Variants in CA5B observed in about 807,000 individuals in gnomAD.
CA5B encodes carbonic anhydrase 5B, mitochondrial.
A neutral mutation model predicts 23.1 loss-of-function variants in CA5B; 15 were observed. The ratio of observed to expected loss-of-function variants is 0.65; its 90% confidence interval spans 0.43 to 1.00. CA5B has a LOEUF of 1.00. Among genes scored for constraint, CA5B ranks in the 50% least tolerant of loss-of-function variants. The probability of loss-of-function intolerance (pLI) is 0.00; values close to 1 mark genes in which losing one functional copy is unlikely to be tolerated. For missense variants in CA5B, 236 were observed against 252.2 expected (o/e 0.94, Z 0.43); for synonymous variants, 84 against 98.5 (o/e 0.85, Z 0.87).
intron 7 of CA5B, among the ~76,000 whole-genome samples, chrX:15,782,143 G>A (rs1299708816): frequency 3.6e-5 from 4 of 111,828 alleles, no homozygotes; most frequent in African/African-American, 6.5e-5. Flanking sequence ...CTCATTTAAA[G>A]AGGAAGTTCT....
At chrX:15,759,242 G>C in intron 2 of CA5B, among the ~76,000 whole-genome samples, 1 of 111,696 alleles carries the variant, frequency 9.0e-6, no homozygotes, top group Non-Finnish European at 1.9e-5. Context: ...TGGGGAAATA[G>C]GTGGTTGCAG....
intron 3 of CA5B, among the ~76,000 whole-genome samples, chrX:15,765,742 T>C (rs1931693824): frequency 9.1e-6 from 1 of 109,927 alleles, no homozygotes; most frequent in Non-Finnish European, 1.9e-5. Flanking sequence ...GATCCTGCAG[T>C]GCGCCGGATA....
intron 2 of CA5B, among the ~76,000 whole-genome samples, chrX:15,761,690 G>T (rs1469370977): frequency 9.0e-6 from 1 of 111,104 alleles, no homozygotes; most frequent in East Asian, 2.8e-4. Context: ...GGCACTATTG[G>T]CTTTTGGGTC....
chrX:15,741,942 C>T lies in CA5B; in HGVS notation c.-54+3590C>T, dbSNP rs1230379291. On this transcript the variant is annotated intron_variant, in intron 1 of 7. Transcript: ENST00000318636. ...ATGGCTATCTTTGAATACCAAGTAC[C>T]CTGTCCAACTATACTGTCACTGCCC... is the stretch of plus-strand genomic sequence containing the variant. Among the ~76,000 whole-genome samples, 5 of 111,796 alleles carry T rather than the reference C, an allele frequency of 4.5e-5. No homozygotes were observed. The East Asian group carries it at 1.4e-3, about 31-fold the overall frequency.
At chrX:15,762,992 CT>C (rs1365052928) in intron 2 of CA5B, 7 of 309,296 alleles carry the variant, frequency 2.3e-5, no homozygotes, top group African/African-American at 1.9e-4. Flanking sequence ...TCAGCAATGT[CT>C]TCAGTGCCTG....
chrX:15,767,114 CCTCATCCATTTA>C (rs1931724576), intron 3 of CA5B: 1 of 853,725 alleles, frequency 1.2e-6, no homozygotes, highest in Non-Finnish European at 1.4e-6. Flanking sequence ...GGATACCAAC[CCTCATCCATTTA>C]CTCTGCATGC....
Position 15,770,932 on chromosome X carries a change from T to A in CA5B, c.341-1564T>A, listed in dbSNP as rs182097692. On this transcript the variant is annotated intron_variant, in intron 3 of 7. Transcript: ENST00000318636. ...ACAGGCACCCGCCACCATGCCCAGCTAATTTTTTTTTATTTTTAGCAGAGA... is the reference window on the plus strand; with the variant it reads ...ACAGGCACCCGCCACCATGCCCAGCAAATTTTTTTTTATTTTTAGCAGAGA... Among the ~76,000 whole-genome samples the A allele has an allele frequency of 7.6e-3, 832 of 109,089 alleles. 6 individuals are homozygous for A. Among genetic ancestry groups the A allele is most frequent in the African/African-American group, 0.025 (736 of 30,035 alleles). 94.7% of individuals were successfully genotyped at this position (109,089 alleles called of 115,157 possible).
intron 3 of CA5B, 138 bp downstream of exon 3, chrX:15,764,913 G>A: frequency 2.0e-6 from 2 of 1,014,252 alleles, no homozygotes; most frequent in Admixed American, 3.4e-5. Flanking sequence ...TTAACTTTTT[G>A]AATGTGTGAA....
intron 4 of CA5B, among the ~76,000 whole-genome samples, chrX:15,773,623 A>G (rs1487062627): frequency 5.5e-5 from 6 of 109,687 alleles, no homozygotes; most frequent in African/African-American, 2.0e-4. Context: ...GTTAGCCAGG[A>G]TGGTCTCGAT....
intron 2 of CA5B, among the ~76,000 whole-genome samples, chrX:15,757,980 C>T (rs1931528812): frequency 9.0e-6 from 1 of 111,034 alleles, no homozygotes; most frequent in African/African-American, 3.3e-5. Context: ...AGTGGCAGAA[C>T]TCAGGAGTAG....
rs142194656 is a variant in CA5B at position 15,769,706 on chromosome X, T to G, written c.341-2790T>G. The G allele has an allele frequency of 5.1e-4, 220 of 428,849 alleles. 2 individuals carry two copies. The East Asian group carries it at 0.018, about 35-fold the overall frequency. The allele number at this position is 428,849 out of a possible 1,213,427, so 35.3% of individuals were successfully genotyped here. Reference sequence around the variant, plus strand: ...GTTTAAAACACACACACACACAGTTTAATGATTTTTAAAGGAAATTTACAG... The same window carrying G: ...GTTTAAAACACACACACACACAGTTGAATGATTTTTAAAGGAAATTTACAG... On this transcript the variant is annotated intron_variant, in intron 3 of 7. Transcript: ENST00000318636.
At chrX:15,777,910 C>T (rs1231892875) in intron 7 of CA5B, among the ~76,000 whole-genome samples, 2 of 111,157 alleles carry the variant, frequency 1.8e-5, no homozygotes, top group Admixed American at 1.9e-4. Context: ...TATTAAATTA[C>T]ATTCTGGAAG....
At chrX:15,760,997 A>T (rs1327291404) in intron 2 of CA5B, among the ~76,000 whole-genome samples, 1 of 111,304 alleles carries the variant, frequency 9.0e-6, no homozygotes, top group Non-Finnish European at 1.9e-5. Context: ...GTTTGGGTGG[A>T]TATAACAGAA....
intron 2 of CA5B, among the ~76,000 whole-genome samples, chrX:15,762,462 G>A (rs1363304703): frequency 1.9e-5 from 2 of 106,026 alleles, no homozygotes; most frequent in Middle Eastern, 4.8e-3. Context: ...TTTTTTTTGA[G>A]ACAGAGTCTT....
chrX:15,767,022 C>A, intron 3 of CA5B: 1 of 690,975 alleles, frequency 1.4e-6, no homozygotes, highest in Non-Finnish European at 2.0e-6. Context: ...CTGTCTGGCA[C>A]TCTGGTGAGC....
intron 3 of CA5B, among the ~76,000 whole-genome samples, chrX:15,770,748 T>C (rs922504392): frequency 5.5e-5 from 6 of 109,469 alleles, no homozygotes; most frequent in Non-Finnish European, 1.1e-4. Context: ...TTTCTTTCCT[T>C]TCCTTTTCTT....
intron 7 of CA5B, among the ~76,000 whole-genome samples, chrX:15,779,599 T>A (rs1167995046): frequency 8.9e-6 from 1 of 111,972 alleles, no homozygotes; most frequent in Non-Finnish European, 1.9e-5. Context: ...ATTTGGTAAA[T>A]GCTGTTGAGG....
At chrX:15,743,892 T>C (rs1931171994) in intron 1 of CA5B, among the ~76,000 whole-genome samples, 1 of 111,901 alleles carries the variant, frequency 8.9e-6, no homozygotes, top group Admixed American at 9.5e-5. Flanking sequence ...GTTTTGTTTT[T>C]GTTTTGTCTA....
intron 1 of CA5B, among the ~76,000 whole-genome samples, chrX:15,742,019 C>T (rs1931132538): frequency 8.9e-6 from 1 of 112,179 alleles, no homozygotes; most frequent in East Asian, 2.8e-4. Flanking sequence ...TCACTTCAAA[C>T]TCCACATGCT....
Sources: gnomAD v4.1 joint callset for allele counts (sites outside exome capture counted in the v4.1 genomes callset) on GRCh38, gnomAD v4.1.1 for gene constraint, MANE v1.5 for transcripts, NCBI Gene and HGNC (gene_info 2026-07-23, HGNC 2026-07-21) for gene names.